Variants in PLXND1 observed in about 807,000 individuals in gnomAD.
The protein encoded by PLXND1 is plexin-D1.
In PLXND1, 54 loss-of-function variants were observed where a neutral mutation model predicts 197.7. The observed-to-expected ratio is 0.27, with a 90% CI of 0.22 to 0.34. The LOEUF (loss-of-function observed/expected upper bound fraction) is 0.34, where lower values mean the gene tolerates loss of function less well. Among genes scored for constraint, PLXND1 ranks in the 10% least tolerant of loss-of-function variants. The probability of loss-of-function intolerance (pLI) is 1.00; values close to 1 mark genes in which losing one functional copy is unlikely to be tolerated. For missense variants in PLXND1, 2,127 were observed against 2,699.2 expected, an observed-to-expected ratio of 0.79 and a Z score of 4.70; for synonymous variants, 1,180 against 1,161.2, an observed-to-expected ratio of 1.02 and a Z score of -0.33.
In PLXND1 at chr3:129,583,752, G is replaced by A; in HGVS notation, c.2139-83C>T. 3.4e-6 allele frequency: 3 copies of A among 891,830 alleles called. No individual in the cohort carries two copies. In the South Asian group the frequency reaches 4.3e-5, roughly 13 times the overall value. The allele number at this position is 891,830 out of a possible 1,614,324, so 55.2% of individuals were successfully genotyped here. ...CCCAGGAACTAGAACCCAAAAGGCA[G>A]ATCCCAGCACAGGGAAAGGTCTTTC... is the stretch of plus-strand genomic sequence containing the variant. On this transcript the variant is annotated intron_variant, in intron 7 of 35. Transcript: ENST00000324093.
chr3:129,575,380 G>A, intron 11 of PLXND1, 89 bp downstream of exon 11: 2 of 789,306 alleles, frequency 2.5e-6, no homozygotes, highest in African/African-American at 1.7e-5. Flanking sequence ...TGCGGCTTTG[G>A]GGCAACCACT....
intron 2 of PLXND1, among the ~76,000 whole-genome samples, chr3:129,587,971 A>AT (rs1553790971): frequency 5.7e-4 from 87 of 152,202 alleles, no homozygotes; most frequent in Non-Finnish European, 1.0e-3. Context: ...CACTGCCCGC[A>AT]CCCACCCCTA....
chr3:129,585,922 G>A (rs777270704), intron 5 of PLXND1, 30 bp downstream of exon 5: 11 of 1,613,106 alleles, frequency 6.8e-6, no homozygotes, highest in Admixed American at 5.0e-5. Context: ...CCTGTGTCCC[G>A]AGCTGGGTCT....
chr3:129,588,899 TG>T (rs1230870905), intron 2 of PLXND1, among the ~76,000 whole-genome samples: 1 of 152,122 alleles, frequency 6.6e-6, no homozygotes, highest in Admixed American at 6.5e-5. Context: ...CTGGCAGGGC[TG>T]GGGAGGAGAA....
chr3:129,572,732 G>A lies in PLXND1; in HGVS notation c.2954C>T (p.Ser985Phe), dbSNP rs750005799. Reference sequence around the variant, plus strand: ...CTTGGGGCCCATGGTAGGCTCCAGGGAGTGGACCAGGGGCAGCTGTGGGAG... The same window carrying A: ...CTTGGGGCCCATGGTAGGCTCCAGGAAGTGGACCAGGGGCAGCTGTGGGAG... ...RFSYVLPLVH[S>F]LEPTMGPKAG... Residue 985 changes from serine to phenylalanine, a missense_variant, in exon 15 of 36, where the codon TCC becomes TTC. By Grantham distance (155) the Ser-to-Phe change is radical. This residue lies in a region of PLXND1 where 1,095 missense variants were observed against 1,259.8 expected (regional missense o/e 0.87). Transcript: ENST00000324093. The A allele has an allele frequency of 1.3e-5, 21 of 1,599,192 alleles. No homozygotes were observed. The highest frequency in any genetic ancestry group is 1.7e-4 in the Middle Eastern group (1 of 5,976).
At chr3:129,585,224 C>A (rs1031243513) in intron 5 of PLXND1, among the ~76,000 whole-genome samples, 2 of 152,198 alleles carry the variant, frequency 1.3e-5, no homozygotes, top group African/African-American at 2.4e-5. Context: ...CAGGGCAGGG[C>A]AGAGGAGCCC....
At position 129,605,532 on chromosome 3, in the gene PLXND1, C is replaced by A; in HGVS notation, c.1108G>T (p.Ala370Ser). 1 of 1,525,192 alleles carries A rather than the reference C, an allele frequency of 6.6e-7. No homozygotes were observed. 94.5% of individuals were successfully genotyped at this position (1,525,192 alleles called of 1,614,324 possible). A position where few individuals can be genotyped will look rare whatever the true frequency, so the allele number is the denominator to read the frequency against. Residue 370 changes from alanine (A) to serine (S), a missense_variant, in exon 1 of 36, where the codon GCT (alanine) becomes TCT (serine). Around this residue, in one of 6 missense-constraint regions of PLXND1, gnomAD observed 1,095 missense variants for 1,259.8 expected, o/e 0.87. Coordinates refer to ENST00000324093, the MANE Select transcript of PLXND1 (RefSeq NM_015103.3). ...GACCCCTGGGGCCGCTCGAAGACAG[C>A]AAAGAGCCGCTCCCGGGCTGGGAAG... ...SVFPARERLF[A>S]VFERPQGSPA...
Position 129,589,331 on chromosome 3 carries a change from A to ACCCCC in PLXND1, c.1488+19_1488+20insGGGGG. ...AGCCTCCCACCCCCACCCCCTCCCC[A>ACCCCC]CATCCCCAACCATACCTACCTTGAG... On this transcript the variant is annotated intron_variant, in intron 2 of 35. Coordinates refer to ENST00000324093, the MANE Select transcript of PLXND1 (RefSeq NM_015103.3). The ACCCCC allele has an allele frequency of 2.0e-6, 1 of 489,474 alleles. No homozygotes were observed. Among genetic ancestry groups the ACCCCC allele is most frequent in the Non-Finnish European group, 3.3e-6 (1 of 306,482 alleles). 30.3% of individuals were successfully genotyped at this position (489,474 alleles called of 1,614,324 possible). A position where few individuals can be genotyped will look rare whatever the true frequency, so the allele number is the denominator to read the frequency against.
chr3:129,606,660 C>G lies in PLXND1; in HGVS notation c.-21G>C, dbSNP rs2085801392. 1 of 960,750 alleles carries G rather than the reference C, an allele frequency of 1.0e-6. No homozygotes were observed. The highest frequency in any genetic ancestry group is 1.1e-4 in the East Asian group (1 of 8,946). The allele number at this position is 960,750 out of a possible 1,614,324, so 59.5% of individuals were successfully genotyped here. The stretch of plus-strand genomic sequence containing the variant: ...GCCATCCGGGCGTGCGCGGGCTGCG[C>G]GGCGCGGCGAGTGCATGGGGCGAGG... On this transcript the variant is annotated 5_prime_UTR_variant, in exon 1 of 36. Transcript: ENST00000324093.
chr3:129,558,728 T>TC lies in PLXND1; in HGVS notation c.5298-154dup. On this transcript the variant is annotated intron_variant, in intron 32 of 35. Coordinates refer to ENST00000324093, the MANE Select transcript of PLXND1 (RefSeq NM_015103.3). The surrounding 1 kb of genome is among the most constrained non-coding windows in gnomAD (Gnocchi z 4.1). Reference sequence around the variant, plus strand: ...ACCTTTGGGAACCTTAGTTTGCCTATCCCTGGCCAGCTGGGGTGCAGTGGG... The same window carrying TC: ...ACCTTTGGGAACCTTAGTTTGCCTATCCCCTGGCCAGCTGGGGTGCAGTGGG... 1.4e-6 allele frequency: 1 copy of TC among 718,210 alleles called. No homozygotes were observed. Among genetic ancestry groups the TC allele is most frequent in the South Asian group, 1.9e-5 (1 of 53,646 alleles). 44.5% of individuals were successfully genotyped at this position (718,210 alleles called of 1,614,324 possible).
chr3:129,577,767 C>T lies in PLXND1; in HGVS notation c.2346+562G>A, dbSNP rs886993008. Among the ~76,000 whole-genome samples, 5 of 152,190 alleles carry T rather than the reference C, an allele frequency of 3.3e-5. No individual in the cohort carries two copies. Among genetic ancestry groups the T allele is most frequent in the Non-Finnish European group, 5.9e-5 (4 of 68,030 alleles). On this transcript the variant is annotated intron_variant, in intron 9 of 35. Transcript: ENST00000324093. This position sits in a 1 kb window ranked among gnomAD's most constrained non-coding sequence, Gnocchi z 5.0. ...GTGGGGGCGGGGCTAGTTGCAAAGA[C>T]GAGCACTGGTTGGGGAGTCCAGAGC...
chr3:129,601,400 C>A (rs2085706194), intron 1 of PLXND1, among the ~76,000 whole-genome samples: 2 of 152,166 alleles, frequency 1.3e-5, no homozygotes, highest in South Asian at 4.1e-4. Flanking sequence ...GCCATCCTGA[C>A]CCAGGCTCTG....
Position 129,562,779 on chromosome 3 carries a change from C to A in PLXND1, c.4825+8G>T. Reference sequence around the variant, plus strand: ...TGACACGGGGTCTCTGCCCCCATTCCCACCCACCAAGGTCGACGTCCTCTG... The same window carrying A: ...TGACACGGGGTCTCTGCCCCCATTCACACCCACCAAGGTCGACGTCCTCTG... On this transcript the variant is annotated splice_region_variant and intron_variant, in intron 27 of 35. Transcript: ENST00000324093. 1.3e-6 allele frequency: 2 copies of A among 1,587,432 alleles called. No homozygotes were observed. Among genetic ancestry groups the A allele is most frequent in the Non-Finnish European group, 1.7e-6 (2 of 1,159,174 alleles).
At position 129,585,824 on chromosome 3, in the gene PLXND1, T is replaced by C. The variant is rs1008047173; in HGVS notation, c.1851+128A>G. On this transcript the variant is annotated intron_variant, in intron 5 of 35. Coordinates refer to ENST00000324093, the MANE Select transcript of PLXND1 (RefSeq NM_015103.3). Reference sequence around the variant, plus strand: ...CAGGAAAGCCCAGTCATTGTCACTGTTCTCATTATTTGTCTTCAGGTCCTT... The same window carrying C: ...CAGGAAAGCCCAGTCATTGTCACTGCTCTCATTATTTGTCTTCAGGTCCTT... The C allele has an allele frequency of 3.8e-4, 474 of 1,248,738 alleles. 1 individual carries two copies. Among genetic ancestry groups the C allele is most frequent in the Non-Finnish European group, 5.0e-4 (431 of 867,870 alleles). 77.4% of individuals were successfully genotyped at this position (1,248,738 alleles called of 1,614,324 possible). A position where few individuals can be genotyped will look rare whatever the true frequency, so the allele number is the denominator to read the frequency against.
intron 1 of PLXND1, among the ~76,000 whole-genome samples, chr3:129,604,817 G>C (rs1310509936): frequency 6.6e-6 from 1 of 152,200 alleles, no homozygotes; most frequent in Non-Finnish European, 1.5e-5. Context: ...CCAGCTTGCT[G>C]GCACACAAGT....
rs1042908689 is a variant in PLXND1 at position 129,594,498 on chromosome 3, A to G, written c.1312-4971T>C. Among the ~76,000 whole-genome samples, 87 of 152,092 alleles carry G rather than the reference A, an allele frequency of 5.7e-4. 1 individual carries two copies. Among genetic ancestry groups the G allele is most frequent in the Non-Finnish European group, 3.2e-4 (22 of 68,014 alleles). On this transcript the variant is annotated intron_variant, in intron 1 of 35. Transcript: ENST00000324093. ...CTGTCTCGAAAAAATAAAAATAAAA[A>G]AACTGCAAGGTGACCGCAGCTCACT...
chr3:129,565,669 T>C (rs1295991308), intron 24 of PLXND1, 131 bp from the exon 25 acceptor site: 1 of 889,522 alleles, frequency 1.1e-6, no homozygotes, highest in East Asian at 2.7e-5. Context: ...CTGCGAGGGG[T>C]GAGTGGGGCT....
Position 129,568,506 on chromosome 3 carries a change from C to T in PLXND1, c.3866-701G>A, listed in dbSNP as rs142178239. Among the ~76,000 whole-genome samples, 32 of 152,186 alleles carry T rather than the reference C, an allele frequency of 2.1e-4. No individual in the cohort carries two copies. In the East Asian group the frequency reaches 5.8e-3, roughly 28 times the overall value. On this transcript the variant is annotated intron_variant, in intron 20 of 35. Transcript: ENST00000324093. ...GCTTTATTGTGAAATAACGTACATA[C>T]CATATAATCCAGTGATTTAAAGTGT...
chr3:129,566,586 G>A lies in PLXND1; in HGVS notation c.4132C>T (p.Leu1378Phe), dbSNP rs774629970. The change falls in exon 23 of 36, where the codon CTC (leucine) becomes TTC (phenylalanine). Residue 1378 changes from leucine (L) to phenylalanine (F), a missense_variant. Around this residue, in one of 6 missense-constraint regions of PLXND1, gnomAD observed 532 missense variants for 811.0 expected, o/e 0.66. Coordinates refer to ENST00000324093, the MANE Select transcript of PLXND1 (RefSeq NM_015103.3). Reference protein sequence around the residue: ...EERYVLPSQTLNSQGSSQAQE... With the variant: ...EERYVLPSQTFNSQGSSQAQE... ...GCCTGGGAGCTGCCCTGGGAGTTGA[G>A]GGTCTGGGAGGGCAGCACGTAACGC... The A allele has an allele frequency of 1.9e-5, 30 of 1,613,268 alleles. No individual in the cohort carries two copies. Among genetic ancestry groups the A allele is most frequent in the Non-Finnish European group, 2.4e-5 (28 of 1,179,426 alleles).
Sources: allele counts gnomAD v4.1 joint callset (sites outside exome capture counted in the v4.1 genomes callset), GRCh38; gene constraint gnomAD v4.1.1; regional missense constraint gnomAD v4.1.1; non-coding constraint Gnocchi (gnomAD v3.1); transcripts MANE v1.5; gene names NCBI Gene and HGNC (gene_info 2026-07-23, HGNC 2026-07-21).